PPM1G: variants seen among roughly 807,000 people sequenced by gnomAD.
The protein encoded by PPM1G is protein phosphatase 1G.
Under a neutral mutation model 59.4 loss-of-function variants are expected in PPM1G, and 12 were observed. The ratio of observed to expected loss-of-function variants is 0.20; its 90% CI spans 0.13 to 0.33. The LOEUF (loss-of-function observed/expected upper bound fraction) is 0.33, where lower values mean the gene tolerates loss of function less well. Ranked by LOEUF, PPM1G falls within the 10% of genes least tolerant of loss-of-function variation. PPM1G has a pLI of 1.00. For synonymous variants in PPM1G, 245 were observed against 251.9 expected (o/e 0.97, Z 0.26); for missense variants, 392 against 681.3 (o/e 0.58, Z 4.73).
At position 27,383,462 on chromosome 2, in the gene PPM1G, C is replaced by G. The variant is rs1408317242; in HGVS notation, c.1105G>C (p.Glu369Gln). 1 of 1,614,180 alleles carries G rather than the reference C, an allele frequency of 6.2e-7. No homozygotes were observed. Among genetic ancestry groups the G allele is most frequent in the East Asian group, 2.2e-5 (1 of 44,876 alleles). The change falls in exon 7 of 10, where the codon GAG (glutamate) becomes CAG (glutamine). Residue 369 changes from glutamate to glutamine, a missense_variant. By Grantham distance (29) the Glu-to-Gln change is conservative. This residue lies in a region of PPM1G where 53 missense variants were observed against 175.4 expected (regional missense o/e 0.30). Coordinates refer to ENST00000344034, the MANE Select transcript of PPM1G (RefSeq NM_177983.3). The surrounding 1 kb of genome is among the most constrained non-coding windows in gnomAD (Gnocchi z 5.0). ...ATGCGTGCTAGTTCTACTTCATCCT[C>G]TGGTTTGTGATCATAGGACATGTCT... ...ALDMSYDHKP[E>Q]DEVELARIKN...
At chr2:27,393,732 G>A (rs1337372879) in intron 1 of PPM1G, among the ~76,000 whole-genome samples, 1 of 151,794 alleles carries the variant, frequency 6.6e-6, no homozygotes, top group Non-Finnish European at 1.5e-5. Context: ...GTACAGGTGC[G>A]TGCCACCACA....
intron 1 of PPM1G, among the ~76,000 whole-genome samples, chr2:27,390,364 A>G (rs1307054997): frequency 6.6e-6 from 1 of 152,182 alleles, no homozygotes; most frequent in Non-Finnish European, 1.5e-5. Flanking sequence ...ATTTTTTCTT[A>G]AACTCCTGAT....
rs1278466737 is a variant in PPM1G at position 27,383,228 on chromosome 2, C to T, written c.1201+138G>A. 4.3e-6 allele frequency: 3 copies of T among 690,394 alleles called. No homozygotes were observed. The highest frequency in any genetic ancestry group is 7.4e-6 in the Non-Finnish European group (3 of 403,106). The allele number at this position is 690,394 out of a possible 1,614,324, so 42.8% of individuals were successfully genotyped here. On this transcript the variant is annotated intron_variant, in intron 7 of 9. Coordinates refer to ENST00000344034, the MANE Select transcript of PPM1G (RefSeq NM_177983.3). This position sits in a 1 kb window ranked among gnomAD's most constrained non-coding sequence, Gnocchi z 5.0. Reference sequence around the variant, plus strand: ...ACCTCTACCCATCTTAGTTATTTCACAGAAATATAAGAACAGAGGTAGTAG... The same window carrying T: ...ACCTCTACCCATCTTAGTTATTTCATAGAAATATAAGAACAGAGGTAGTAG...
In PPM1G at chr2:27,409,579, G is replaced by C. The variant is rs1012512427; in HGVS notation, c.-157C>G. 7 of 969,298 alleles carry C rather than the reference G, an allele frequency of 7.2e-6. No individual in the cohort carries two copies. The highest frequency in any genetic ancestry group is 1.7e-5 in the African/African-American group (1 of 57,718). 60.0% of individuals were successfully genotyped at this position (969,298 alleles called of 1,614,324 possible). ...CGAGGCCGGCCAGGAGGCGGTAACG[G>C]GACGGGAGCTGTGAGGGAGCGGAAG... On this transcript the variant is annotated 5_prime_UTR_variant, in exon 1 of 10. Coordinates refer to ENST00000344034, the MANE Select transcript of PPM1G (RefSeq NM_177983.3).
At chr2:27,405,517 C>T (rs751144691) in intron 1 of PPM1G, among the ~76,000 whole-genome samples, 93 of 151,286 alleles carry the variant, frequency 6.1e-4, no homozygotes, top group Non-Finnish European at 1.1e-3. Context: ...GGTGAGATCT[C>T]GGCTCACTGG....
chr2:27,393,387 C>T (rs991847277), intron 1 of PPM1G: 3 of 1,468,034 alleles, frequency 2.0e-6, no homozygotes, highest in Non-Finnish European at 2.8e-6. Context: ...TAAGGAGAGG[C>T]GGCGGCAGCG....
At chr2:27,392,359 A>G (rs997874035) in intron 1 of PPM1G, among the ~76,000 whole-genome samples, 1 of 141,106 alleles carries the variant, frequency 7.1e-6, no homozygotes, top group Non-Finnish European at 1.5e-5. Context: ...CAGTGGCATG[A>G]TCTCAGCTTA....
At chr2:27,393,112 T>C (rs1422295377) in intron 1 of PPM1G, 19 of 1,308,256 alleles carry the variant, frequency 1.5e-5, no homozygotes, top group Non-Finnish European at 2.1e-5. Context: ...GGTTTCTTGA[T>C]ATCCTGAAGG....
chr2:27,403,624 C>T lies in PPM1G; in HGVS notation c.120+5679G>A, dbSNP rs368819309. Among the ~76,000 whole-genome samples, 11 of 150,244 alleles carry T rather than the reference C, an allele frequency of 7.3e-5. 1 individual carries two copies. The highest frequency in any genetic ancestry group is 4.0e-4 in the Admixed American group (6 of 15,078). On this transcript the variant is annotated intron_variant, in intron 1 of 9. Coordinates refer to ENST00000344034, the MANE Select transcript of PPM1G (RefSeq NM_177983.3). ...AATTCTGGCCAGGCGCAGTAGCTCA[C>T]GTCTGTAATCCCAGCACTTTGGGAG...
chr2:27,401,693 G>T (rs1020698729), intron 1 of PPM1G, among the ~76,000 whole-genome samples: 1 of 152,140 alleles, frequency 6.6e-6, no homozygotes, highest in African/African-American at 2.4e-5. Flanking sequence ...GGGTGTGGTG[G>T]CGTGAGCCTG....
At chr2:27,393,272 G>A in intron 1 of PPM1G, 4 of 1,594,382 alleles carry the variant, frequency 2.5e-6, no homozygotes, top group African/African-American at 1.3e-5. Flanking sequence ...GGTAAATGGA[G>A]GAGGCGTAGA....
rs1683792324 is a variant in PPM1G, at chr2:27,387,311, G to A, written c.121-153C>T. Among the ~76,000 whole-genome samples, 4 of 151,936 alleles carry A rather than the reference G, an allele frequency of 2.6e-5. No homozygotes were observed. In the South Asian group the frequency reaches 6.2e-4, roughly 24 times the overall value. On this transcript the variant is annotated intron_variant, in intron 1 of 9. Coordinates refer to ENST00000344034, the MANE Select transcript of PPM1G (RefSeq NM_177983.3). ...GAAGGAATGATAAAATAAATACAGA[G>A]GAAGAAAAGAGGAGGGAGGCAAAGG...
intron 1 of PPM1G, among the ~76,000 whole-genome samples, chr2:27,391,059 ATTTTC>A (rs901969288): frequency 6.6e-5 from 10 of 152,104 alleles, no homozygotes; most frequent in Admixed American, 3.9e-4. Flanking sequence ...TATGTACCAT[ATTTTC>A]TTTTCTTTTC....
At chr2:27,401,543 C>T (rs1427757813) in intron 1 of PPM1G, among the ~76,000 whole-genome samples, 7 of 152,114 alleles carry the variant, frequency 4.6e-5, no homozygotes, top group Non-Finnish European at 1.5e-5. Context: ...CACTACAAAA[C>T]AGGCAGGCAC....
In PPM1G at chr2:27,381,210, C is replaced by T; in HGVS notation, c.*389G>A. 1 of 301,956 alleles carries T rather than the reference C, an allele frequency of 3.3e-6. No homozygotes were observed. Among genetic ancestry groups the T allele is most frequent in the Non-Finnish European group, 6.3e-6 (1 of 158,734 alleles). The allele number at this position is 301,956 out of a possible 1,614,324, so 18.7% of individuals were successfully genotyped here. On this transcript the variant is annotated 3_prime_UTR_variant, in exon 10 of 10. Coordinates refer to ENST00000344034, the MANE Select transcript of PPM1G (RefSeq NM_177983.3). ...CACGATGCGTACGATTAGGTTTTGG[C>T]CTTTAGTCTGAAAAAGTGTTGATTG...
intron 1 of PPM1G, among the ~76,000 whole-genome samples, chr2:27,396,612 A>T (rs936890968): frequency 4.6e-5 from 7 of 151,920 alleles, no homozygotes; most frequent in Non-Finnish European, 7.4e-5. Flanking sequence ...GTGAGGAGTT[A>T]GAGACCAGCC....
chr2:27,386,068 A>G lies in PPM1G; in HGVS notation c.276+126T>C, dbSNP rs553395818. 1.9e-5 allele frequency: 24 copies of G among 1,245,404 alleles called. No individual in the cohort carries two copies. In the East Asian group the frequency reaches 4.0e-4, roughly 21 times the overall value. The allele number at this position is 1,245,404 out of a possible 1,614,324, so 77.1% of individuals were successfully genotyped here. ...AGGCGGCCAATAAGCTCGTTTTAGG[A>G]ACAGAATTCTTCAAGAGTAAATAAG... On this transcript the variant is annotated intron_variant, in intron 3 of 9. Transcript: ENST00000344034.
At chr2:27,401,966 A>G (rs971791839) in intron 1 of PPM1G, among the ~76,000 whole-genome samples, 8 of 152,320 alleles carry the variant, frequency 5.3e-5, no homozygotes, top group African/African-American at 1.9e-4. Flanking sequence ...TATATGAACC[A>G]TATGTGGTAT....
chr2:27,406,639 A>G (rs567818345), intron 1 of PPM1G, among the ~76,000 whole-genome samples: 1 of 152,326 alleles, frequency 6.6e-6, no homozygotes, highest in African/African-American at 2.4e-5. Context: ...CTAATTGAGG[A>G]GAAACCAAAA....
Sources: allele counts gnomAD v4.1 joint callset (sites outside exome capture counted in the v4.1 genomes callset), GRCh38; gene constraint gnomAD v4.1.1; regional missense constraint gnomAD v4.1.1; non-coding constraint Gnocchi (gnomAD v3.1); transcripts MANE v1.5; gene names NCBI Gene and HGNC (gene_info 2026-07-23, HGNC 2026-07-21).